The following PDE4B variants were observed in gnomAD, a reference collection of about 807,000 sequenced individuals.
PDE4B encodes phosphodiesterase 4B.
Under a neutral mutation model 82.2 loss-of-function variants are expected in PDE4B, and 20 were observed. The ratio of observed to expected loss-of-function variants is 0.24; its 90% CI spans 0.17 to 0.35. The LOEUF (loss-of-function observed/expected upper bound fraction) is 0.35. Among genes scored for constraint, PDE4B ranks in the 10% least tolerant of loss-of-function variants. The pLI, the probability that PDE4B is intolerant of heterozygous loss-of-function variation, is 1.00. For missense variants in PDE4B, 655 were observed against 907.2 expected (o/e 0.72, Z 3.57); for synonymous variants, 320 against 318.9 (o/e 1.00, Z -0.04).
At chr1:66,096,336 A>G (rs1315460830) in intron 3 of PDE4B, among the ~76,000 whole-genome samples, 1 of 151,290 alleles carries the variant, frequency 6.6e-6, no homozygotes, top group Non-Finnish European at 1.5e-5. Flanking sequence ...CATGCAATAA[A>G]CAGTATCAAC....
chr1:66,200,078 C>T (rs1412726229), intron 3 of PDE4B, among the ~76,000 whole-genome samples: 1 of 152,126 alleles, frequency 6.6e-6, no homozygotes, highest in Non-Finnish European at 1.5e-5. Flanking sequence ...AGCCAGTTTT[C>T]CCAGCACCAT....
chr1:65,957,799 T>A (rs1649333440), intron 3 of PDE4B, among the ~76,000 whole-genome samples: 1 of 152,096 alleles, frequency 6.6e-6, no homozygotes, highest in Non-Finnish European at 1.5e-5. Context: ...TAGTATATTT[T>A]AAAAATATAT....
At chr1:65,995,624 A>C (rs1236896565) in intron 3 of PDE4B, among the ~76,000 whole-genome samples, 1 of 152,176 alleles carries the variant, frequency 6.6e-6, no homozygotes, top group Non-Finnish European at 1.5e-5. Flanking sequence ...GCTTTTTTAC[A>C]TAGATGAAAT....
At chr1:65,828,395 G>A (rs988248697) in intron 1 of PDE4B, among the ~76,000 whole-genome samples, 6 of 151,896 alleles carry the variant, frequency 4.0e-5, no homozygotes, top group Non-Finnish European at 5.9e-5. Context: ...CCAGGTTTGC[G>A]CCACCATGCC....
intron 10 of PDE4B, among the ~76,000 whole-genome samples, chr1:66,362,027 G>A (rs1336704513): frequency 6.6e-6 from 1 of 151,794 alleles, no homozygotes; most frequent in Non-Finnish European, 1.5e-5. Context: ...GATCTCTTAT[G>A]CTGGGTAGCC....
intron 3 of PDE4B, among the ~76,000 whole-genome samples, chr1:66,012,390 T>C (rs1652535756): frequency 6.6e-6 from 1 of 152,196 alleles, no homozygotes; most frequent in Admixed American, 6.6e-5. Context: ...ATTCTATCCA[T>C]GACTCTAGTT....
chr1:65,996,020 A>G (rs1651522034), intron 3 of PDE4B, among the ~76,000 whole-genome samples: 1 of 152,180 alleles, frequency 6.6e-6, no homozygotes, highest in Non-Finnish European at 1.5e-5. Context: ...ATGGCAGAAG[A>G]TTTAAGAAAT....
intron 4 of PDE4B, among the ~76,000 whole-genome samples, chr1:66,254,341 GGTCAGTTTC>G (rs1037349800): frequency 6.6e-6 from 1 of 152,172 alleles, no homozygotes; most frequent in Non-Finnish European, 1.5e-5. Context: ...GGTTGGAAAG[GGTCAGTTTC>G]TGATACAGTT....
At chr1:65,835,306 C>A (rs368204809) in intron 1 of PDE4B, among the ~76,000 whole-genome samples, 6 of 152,256 alleles carry the variant, frequency 3.9e-5, no homozygotes, top group African/African-American at 1.2e-4. Flanking sequence ...CCAAAGAGAG[C>A]TTCCCAAAGC....
intron 1 of PDE4B, among the ~76,000 whole-genome samples, chr1:65,846,657 A>G (rs1194994986): frequency 1.3e-5 from 2 of 152,328 alleles, no homozygotes; most frequent in East Asian, 1.9e-4. Context: ...TGTTGCCTAC[A>G]TTGTATTTCC....
chr1:66,366,149 T>C (rs1039347988), intron 13 of PDE4B, among the ~76,000 whole-genome samples: 12 of 152,134 alleles, frequency 7.9e-5, no homozygotes, highest in Non-Finnish European at 1.5e-4. Flanking sequence ...TGTCCCTATC[T>C]GCTTGGGAAG....
intron 3 of PDE4B, among the ~76,000 whole-genome samples, chr1:66,073,494 T>C (rs1656267203): frequency 6.6e-6 from 1 of 151,986 alleles, no homozygotes. Context: ...GTACTAGCAG[T>C]CTTAGGAGCC....
intron 3 of PDE4B, among the ~76,000 whole-genome samples, chr1:66,068,043 T>C (rs951954410): frequency 6.6e-5 from 10 of 151,152 alleles, no homozygotes; most frequent in Non-Finnish European, 1.2e-4. Flanking sequence ...TGTATACATA[T>C]GTAACAAACC....
intron 3 of PDE4B, among the ~76,000 whole-genome samples, chr1:66,030,965 G>T (rs1653740356): frequency 6.6e-6 from 1 of 152,148 alleles, no homozygotes; most frequent in South Asian, 2.1e-4. Context: ...ACTAGAAGAG[G>T]GAGGGAGGGA....
intron 7 of PDE4B, among the ~76,000 whole-genome samples, chr1:66,275,072 C>G (rs193122796): frequency 3.0e-4 from 46 of 152,240 alleles, no homozygotes; most frequent in African/African-American, 1.0e-3. Context: ...GGAGCTGACA[C>G]CAAATATAAA....
intron 3 of PDE4B, among the ~76,000 whole-genome samples, chr1:66,213,406 C>T (rs901394497): frequency 3.3e-5 from 5 of 152,148 alleles, no homozygotes; most frequent in African/African-American, 9.7e-5. Flanking sequence ...GTGCCCAGAC[C>T]TGATATCCAG....
intron 1 of PDE4B, among the ~76,000 whole-genome samples, chr1:65,803,106 C>T (rs532188606): frequency 6.6e-6 from 1 of 152,266 alleles, no homozygotes; most frequent in South Asian, 2.1e-4. Context: ...CTCAGCATTT[C>T]TACTTTGCTA....
intron 7 of PDE4B, among the ~76,000 whole-genome samples, chr1:66,277,347 C>T (rs1045300127): frequency 5.3e-5 from 8 of 152,086 alleles, no homozygotes; most frequent in African/African-American, 9.7e-5. Flanking sequence ...AACAGATTGA[C>T]GTGATCTGAT....
rs567911438 is a variant in PDE4B at position 66,189,196 on chromosome 1, G to C, written c.282-58264G>C. ...TGCTGGCTTGTAGAGTTTCTGCCAA[G>C]AGATCAGCTGTTAGTCTGATGGTTT... On this transcript the variant is annotated intron_variant, in intron 3 of 16. Transcript: ENST00000341517. Among the ~76,000 whole-genome samples, 11 of 152,216 alleles carry C rather than the reference G, an allele frequency of 7.2e-5. No homozygotes were observed. In the East Asian group the frequency reaches 2.1e-3, roughly 29 times the overall value.
Sources: allele counts gnomAD v4.1 joint callset (sites outside exome capture counted in the v4.1 genomes callset), GRCh38; gene constraint gnomAD v4.1.1; transcripts MANE v1.5; gene names NCBI Gene and HGNC (gene_info 2026-07-23, HGNC 2026-07-21).